The following TMOD1 variants were observed in gnomAD, a reference collection of about 807,000 sequenced individuals.
The protein encoded by TMOD1 is tropomodulin-1.
Under a neutral mutation model 40.6 loss-of-function variants are expected in TMOD1, and 17 were observed. That is an observed-to-expected ratio of 0.42 (90% CI 0.29 to 0.63). The LOEUF (loss-of-function observed/expected upper bound fraction) is 0.63. Among genes scored for constraint, TMOD1 ranks in the 20% least tolerant of loss-of-function variants. The pLI is 0.22. For synonymous variants in TMOD1, 181 were observed against 175.0 expected (o/e 1.03, Z -0.27); for missense variants, 391 against 447.6 (o/e 0.87, Z 1.14).
chr9:97,601,238 ATC>A lies in TMOD1; in HGVS notation c.*1542_*1543del. 1 of 1,260,280 alleles carries A rather than the reference ATC, an allele frequency of 7.9e-7. No individual in the cohort carries two copies. Among genetic ancestry groups the A allele is most frequent in the Non-Finnish European group, 1.0e-6 (1 of 964,754 alleles). 78.1% of individuals were successfully genotyped at this position (1,260,280 alleles called of 1,614,324 possible). ...GCTGAAAACTGCAATATAATATTAA[ATC>A]TGTTGGTCTATGCATGGCTGCGTAT... On this transcript the variant is annotated 3_prime_UTR_variant, in exon 10 of 10. Transcript: ENST00000259365.
intron 1 of TMOD1, among the ~76,000 whole-genome samples, chr9:97,521,862 A>G (rs1424862353): frequency 6.6e-6 from 1 of 152,238 alleles, no homozygotes; most frequent in South Asian, 2.1e-4. Flanking sequence ...TTTCTGAGAC[A>G]GAGACTTTTT....
At chr9:97,599,111 G>A (rs1247818191) in intron 9 of TMOD1, among the ~76,000 whole-genome samples, 3 of 152,206 alleles carry the variant, frequency 2.0e-5, no homozygotes, top group African/African-American at 7.2e-5. Context: ...GAACAGTGTT[G>A]AGCATAACTG....
At chr9:97,599,583 C>A (rs775150369) in intron 9 of TMOD1, 51 bp from the exon 10 acceptor site, 2 of 1,612,640 alleles carry the variant, frequency 1.2e-6, no homozygotes, top group Non-Finnish European at 1.7e-6. Flanking sequence ...CAGTGCTGGC[C>A]CCTGGTCTAC....
chr9:97,510,660 TTG>T (rs1434197469), intron 1 of TMOD1, among the ~76,000 whole-genome samples: 1 of 152,192 alleles, frequency 6.6e-6, no homozygotes, highest in Non-Finnish European at 1.5e-5. Flanking sequence ...GTGCAGGGCT[TTG>T]TGAAGGACCA....
chr9:97,563,921 A>G lies in TMOD1; in HGVS notation c.488-117A>G, dbSNP rs552123160. 1,918 of 1,087,560 alleles carry G rather than the reference A, an allele frequency of 1.8e-3. 5 individuals carry two copies. The highest frequency in any genetic ancestry group is 2.3e-3 in the Non-Finnish European group (1,751 of 776,042). The allele number at this position is 1,087,560 out of a possible 1,614,324, so 67.4% of individuals were successfully genotyped here. A position where few individuals can be genotyped will look rare whatever the true frequency, so the allele number is the denominator to read the frequency against. On this transcript the variant is annotated intron_variant, in intron 5 of 9. Transcript: ENST00000259365. ...CCCCTACCCCCACCCAGCCCCTGTG[A>G]TGTGCAGCCCTCACGTGCCCCAACC...
intron 2 of TMOD1, among the ~76,000 whole-genome samples, chr9:97,536,752 TAA>T (rs1377203245): frequency 6.6e-6 from 1 of 152,130 alleles, no homozygotes; most frequent in African/African-American, 2.4e-5. Context: ...CAATCCCTGA[TAA>T]AGAGGTTTTA....
At chr9:97,573,572 A>G (rs1384447739) in intron 8 of TMOD1, among the ~76,000 whole-genome samples, 2 of 152,204 alleles carry the variant, frequency 1.3e-5, no homozygotes, top group Non-Finnish European at 1.5e-5. Context: ...ATAAACATGT[A>G]TTAACTCACC....
At chr9:97,559,771 TTAAAAAAAAAAAA>T (rs1488387940) in intron 4 of TMOD1, among the ~76,000 whole-genome samples, 5 of 63,350 alleles carry the variant, frequency 7.9e-5, no homozygotes, top group African/African-American at 3.1e-4. Context: ...CCTCAAAAAT[TTAAAAAAAAAAAA>T]AAAAAAAAAA....
At chr9:97,596,664 C>A (rs1464735591) in intron 9 of TMOD1, among the ~76,000 whole-genome samples, 1 of 152,238 alleles carries the variant, frequency 6.6e-6, no homozygotes, top group Non-Finnish European at 1.5e-5. Context: ...AGGAGGTCGT[C>A]TCTTGACATC....
At chr9:97,563,913 C>T in intron 5 of TMOD1, 125 bp from the exon 6 acceptor site, 2 of 1,282,970 alleles carry the variant, frequency 1.6e-6, no homozygotes, top group Non-Finnish European at 2.1e-6. Context: ...CCCCACCCAG[C>T]CCCTGTGATG....
chr9:97,584,274 G>A (rs966780307), intron 8 of TMOD1, among the ~76,000 whole-genome samples: 3 of 152,178 alleles, frequency 2.0e-5, no homozygotes, highest in African/African-American at 7.2e-5. Context: ...TAGTCATTCA[G>A]GAGCAGGTTG....
chr9:97,522,793 G>A (rs1163183640), intron 1 of TMOD1, among the ~76,000 whole-genome samples: 1 of 152,016 alleles, frequency 6.6e-6, no homozygotes, highest in Non-Finnish European at 1.5e-5. Context: ...AAACTCCTGG[G>A]CTCAAGCAAT....
At position 97,512,462 on chromosome 9, in the gene TMOD1, A is replaced by T. The variant is rs116170517; in HGVS notation, c.-49+10659A>T. Among the ~76,000 whole-genome samples the T allele has an allele frequency of 7.2e-3, 1,099 of 152,340 alleles. 8 individuals are homozygous for T. Among genetic ancestry groups the T allele is most frequent in the African/African-American group, 0.025 (1,046 of 41,570 alleles). On this transcript the variant is annotated intron_variant, in intron 1 of 9. Transcript: ENST00000259365. ...CTTATTTCTACCAAAAGACATATTC[A>T]TAGCACTGTTTATAATTACCAAATA...
chr9:97,537,998 A>T (rs1322187790), intron 2 of TMOD1, among the ~76,000 whole-genome samples: 1 of 152,182 alleles, frequency 6.6e-6, no homozygotes, highest in Non-Finnish European at 1.5e-5. Context: ...TATTTGGACT[A>T]CGTGTCAATA....
rs1397465783 is a variant in TMOD1, at chr9:97,508,061, A to T, written c.-49+6258A>T. The stretch of plus-strand genomic sequence containing the variant: ...AACACAATCTATCTTCCTGATTCAC[A>T]CACACACACACACACACACACACAC... On this transcript the variant is annotated intron_variant, in intron 1 of 9. Coordinates refer to ENST00000259365, the MANE Select transcript of TMOD1 (RefSeq NM_003275.4). Among the ~76,000 whole-genome samples, 25 of 88,480 alleles carry T rather than the reference A, an allele frequency of 2.8e-4. No individual in the cohort carries two copies. In the East Asian group the frequency reaches 3.1e-3, roughly 11 times the overall value. The allele number at this position is 88,480 out of a possible 152,430, so 58.0% of individuals were successfully genotyped here. A position where few individuals can be genotyped will look rare whatever the true frequency, so the allele number is the denominator to read the frequency against.
chr9:97,576,589 C>T (rs1257038005), intron 8 of TMOD1, among the ~76,000 whole-genome samples: 2 of 151,742 alleles, frequency 1.3e-5, no homozygotes, highest in Non-Finnish European at 1.5e-5. Context: ...CTGTCATATA[C>T]TTCATGCATA....
At chr9:97,561,565 C>G (rs1013197696) in intron 4 of TMOD1, among the ~76,000 whole-genome samples, 1 of 152,220 alleles carries the variant, frequency 6.6e-6, no homozygotes, top group Non-Finnish European at 1.5e-5. Context: ...TTCCCTGGCC[C>G]AGAGCATGTG....
chr9:97,539,938 C>T lies in TMOD1; in HGVS notation c.121-6247C>T, dbSNP rs1830249156. ...AGTGAACCGAGATCATGCCACTGCACTCCAGCCTGGGCAACAGAGTGAGAC... is the reference window on the plus strand; with the variant it reads ...AGTGAACCGAGATCATGCCACTGCATTCCAGCCTGGGCAACAGAGTGAGAC... On this transcript the variant is annotated intron_variant, in intron 2 of 9. Coordinates refer to ENST00000259365, the MANE Select transcript of TMOD1 (RefSeq NM_003275.4). Among the ~76,000 whole-genome samples, 3 of 137,286 alleles carry T rather than the reference C, an allele frequency of 2.2e-5. No individual in the cohort carries two copies. In the South Asian group the frequency reaches 6.8e-4, roughly 31 times the overall value. The allele number at this position is 137,286 out of a possible 152,430, so 90.1% of individuals were successfully genotyped here. A position where few individuals can be genotyped will look rare whatever the true frequency, so the allele number is the denominator to read the frequency against.
chr9:97,560,197 G>T (rs74518426), intron 4 of TMOD1, among the ~76,000 whole-genome samples: 110 of 152,158 alleles, frequency 7.2e-4, no homozygotes, highest in African/African-American at 2.4e-3. Flanking sequence ...AGGTGGAAGA[G>T]AAAATATCCT....
Sources: allele counts gnomAD v4.1 joint callset (sites outside exome capture counted in the v4.1 genomes callset), GRCh38; gene constraint gnomAD v4.1.1; transcripts MANE v1.5; gene names NCBI Gene and HGNC (gene_info 2026-07-23, HGNC 2026-07-21).